CACNA1E: variants seen among roughly 807,000 people sequenced by gnomAD.
CACNA1E encodes the protein voltage-dependent R-type calcium channel subunit alpha-1E.
In CACNA1E, 40 loss-of-function variants were observed where a neutral mutation model predicts 259.2. The ratio of observed to expected loss-of-function variants is 0.15; its 90% confidence interval spans 0.12 to 0.20. The LOEUF is 0.20. Among genes scored for constraint, CACNA1E ranks in the 10% least tolerant of loss-of-function variants. The probability of loss-of-function intolerance (pLI) is 1.00; values close to 1 mark genes in which losing one functional copy is unlikely to be tolerated. For synonymous variants in CACNA1E, 1,104 were observed against 1,138.5 expected (o/e 0.97, Z 0.61); for missense variants, 1,874 against 3,040.1 (o/e 0.62, Z 9.02).
chr1:181,508,054 G>T (rs1438491474), intron 1 of CACNA1E, among the ~76,000 whole-genome samples: 1 of 152,064 alleles, frequency 6.6e-6, no homozygotes, highest in East Asian at 1.9e-4. Flanking sequence ...GCCCAGGTAT[G>T]TTCCTGGGAA....
chr1:181,585,862 T>C (rs929117881), intron 6 of CACNA1E, among the ~76,000 whole-genome samples: 2 of 152,162 alleles, frequency 1.3e-5, no homozygotes, highest in African/African-American at 4.8e-5. Context: ...AGTCAGATCA[T>C]GTGGAGCCCT....
intron 3 of CACNA1E, among the ~76,000 whole-genome samples, chr1:181,515,489 G>A (rs979765247): frequency 2.6e-5 from 4 of 152,198 alleles, no homozygotes; most frequent in African/African-American, 9.7e-5. Context: ...CTGGGACCGA[G>A]AAATGTGGAC....
chr1:181,686,275 G>GTTTT (rs66526388), intron 7 of CACNA1E, among the ~76,000 whole-genome samples: 4 of 58,670 alleles, frequency 6.8e-5, no homozygotes, highest in Admixed American at 5.4e-4. Flanking sequence ...TAAGAACCAA[G>GTTTT]TTTTTTTTTT....
Position 181,709,110 on chromosome 1 carries a change from T to C in CACNA1E, c.1056-1844T>C, listed in dbSNP as rs565949904. 3.9e-5 allele frequency among the ~76,000 whole-genome samples: 6 copies of C among 152,292 alleles called. No individual in the cohort carries two copies. The South Asian group carries it at 1.0e-3, about 26-fold the overall frequency. Reference sequence around the variant, plus strand: ...GAACCAACAGGACAATGGTACTAACTGGACAGGAGGGATTGAAAGAAGCAA... The same window carrying C: ...GAACCAACAGGACAATGGTACTAACCGGACAGGAGGGATTGAAAGAAGCAA... On this transcript the variant is annotated intron_variant, in intron 7 of 47. Transcript: ENST00000367573.
intron 1 of CACNA1E, among the ~76,000 whole-genome samples, chr1:181,364,979 C>T (rs1654161292): frequency 6.6e-6 from 1 of 152,082 alleles, no homozygotes; most frequent in Admixed American, 6.6e-5. Flanking sequence ...CCTTTGGAAG[C>T]GTTCGTTAGC....
In CACNA1E at chr1:181,510,552, G is replaced by A; in HGVS notation, c.342G>A (p.Glu114=). 1 of 1,613,386 alleles carries A rather than the reference G, an allele frequency of 6.2e-7. No individual in the cohort carries two copies. The highest frequency in any genetic ancestry group is 8.5e-7 in the Non-Finnish European group (1 of 1,179,336). ...TGGCCCTGGAGCAGCATCTTCCTGAGGATGACAAGACCCCCATGTCCCGAA... is the reference window on the plus strand; with the variant it reads ...TGGCCCTGGAGCAGCATCTTCCTGAAGATGACAAGACCCCCATGTCCCGAA... ...IVLALEQHLP[E]DDKTPMSRRL... is the part of the protein sequence containing the mutation. Residue 114 remains glutamate (E), a synonymous_variant, in exon 2 of 48, where the codon GAG becomes GAA. Transcript: ENST00000367573.
intron 6 of CACNA1E, among the ~76,000 whole-genome samples, chr1:181,610,792 C>T (rs1427627058): frequency 1.3e-5 from 2 of 152,180 alleles, no homozygotes; most frequent in African/African-American, 4.8e-5. Flanking sequence ...CCATGCACAA[C>T]AGCATGCAGT....
chr1:181,796,073 T>C (rs893793649), intron 46 of CACNA1E, among the ~76,000 whole-genome samples: 1 of 152,162 alleles, frequency 6.6e-6, no homozygotes. Flanking sequence ...AGATCCTATA[T>C]TGTGTGTAGC....
At chr1:181,386,222 C>T (rs1283327877) in intron 1 of CACNA1E, among the ~76,000 whole-genome samples, 5 of 152,158 alleles carry the variant, frequency 3.3e-5, no homozygotes, top group Non-Finnish European at 1.5e-5. Flanking sequence ...GAGACCTCTT[C>T]TTATCCAAGG....
At chr1:181,654,871 C>T (rs1331931597) in intron 7 of CACNA1E, among the ~76,000 whole-genome samples, 1 of 151,658 alleles carries the variant, frequency 6.6e-6, no homozygotes, top group Admixed American at 6.6e-5. Flanking sequence ...GTAGTCCCAG[C>T]TACGCGAGAG....
At chr1:181,411,344 G>A (rs185481765) in intron 1 of CACNA1E, among the ~76,000 whole-genome samples, 2 of 152,296 alleles carry the variant, frequency 1.3e-5, no homozygotes, top group East Asian at 1.9e-4. Flanking sequence ...TCCATGAGGC[G>A]TAAAACAGGG....
intron 3 of CACNA1E, among the ~76,000 whole-genome samples, chr1:181,550,793 A>T (rs1648050095): frequency 6.6e-6 from 1 of 152,020 alleles, no homozygotes; most frequent in South Asian, 2.1e-4. Flanking sequence ...TCCATATGTA[A>T]AGTCCCTTGT....
At chr1:181,356,887 C>T (rs1413166538) in intron 1 of CACNA1E, among the ~76,000 whole-genome samples, 5 of 152,208 alleles carry the variant, frequency 3.3e-5, no homozygotes, top group Non-Finnish European at 5.9e-5. Context: ...TCTTTGGCTC[C>T]AGTGGACAAA....
At chr1:181,708,257 A>T (rs372576184) in intron 7 of CACNA1E, among the ~76,000 whole-genome samples, 2 of 152,178 alleles carry the variant, frequency 1.3e-5, no homozygotes, top group African/African-American at 4.8e-5. Flanking sequence ...TGAAGGCTTC[A>T]TCCTCTTCAT....
chr1:181,605,669 A>G (rs541764410), intron 6 of CACNA1E, among the ~76,000 whole-genome samples: 1 of 152,102 alleles, frequency 6.6e-6, no homozygotes, highest in Non-Finnish European at 1.5e-5. Context: ...CCTCAGAGCA[A>G]CCTCTGCCAC....
At chr1:181,756,121 T>A in intron 29 of CACNA1E, 28 bp downstream of exon 29, 1 of 1,592,128 alleles carries the variant, frequency 6.3e-7, no homozygotes, top group Non-Finnish European at 8.6e-7. Context: ...CATGCTTGTC[T>A]GTGGCTGTGA....
chr1:181,621,420 A>C (rs2103168698), intron 6 of CACNA1E, among the ~76,000 whole-genome samples: 1 of 152,360 alleles, frequency 6.6e-6, no homozygotes, highest in East Asian at 1.9e-4. Context: ...TAACAGAAAG[A>C]CATGGAGTCA....
rs376256311 is a variant in CACNA1E at position 181,510,594 on chromosome 1, C to A, written c.372+12C>A. 6.4e-5 allele frequency: 96 copies of A among 1,504,730 alleles called. No homozygotes were observed. In the African/African-American group the frequency reaches 1.3e-3, roughly 20 times the overall value. The allele number at this position is 1,504,730 out of a possible 1,614,324, so 93.2% of individuals were successfully genotyped here. A position where few individuals can be genotyped will look rare whatever the true frequency, so the allele number is the denominator to read the frequency against. ...TGTCCCGAAGACTGGTATGTGATTCCCCTCCTTCTCCCCTTTGCCCCTTTT... is the reference window on the plus strand; with the variant it reads ...TGTCCCGAAGACTGGTATGTGATTCACCTCCTTCTCCCCTTTGCCCCTTTT... On this transcript the variant is annotated intron_variant, in intron 2 of 47. Transcript: ENST00000367573.
At chr1:181,369,318 T>G (rs1245594478) in intron 1 of CACNA1E, among the ~76,000 whole-genome samples, 4 of 152,214 alleles carry the variant, frequency 2.6e-5, no homozygotes, top group African/African-American at 9.6e-5. Context: ...AATGGCCGCA[T>G]CTTCGGGCTC....
Sources: gnomAD v4.1 joint callset for allele counts (sites outside exome capture counted in the v4.1 genomes callset) on GRCh38, gnomAD v4.1.1 for gene constraint, MANE v1.5 for transcripts, NCBI Gene and HGNC (gene_info 2026-07-23, HGNC 2026-07-21) for gene names.